Variants in EYS observed in about 807,000 individuals in gnomAD.
EYS encodes the protein EGF-like photoreceptor maintenance factor.
In EYS, 250 loss-of-function variants were observed where a neutral mutation model predicts 282.1. The ratio of observed to expected loss-of-function variants is 0.89; its 90% confidence interval spans 0.80 to 0.98. EYS has a LOEUF of 0.98. Among genes scored for constraint, EYS ranks in the 50% least tolerant of loss-of-function variants. The pLI, the probability that EYS is intolerant of heterozygous loss-of-function variation, is 0.00. For synonymous variants in EYS, 1,355 were observed against 1,282.9 expected, an observed-to-expected ratio of 1.06 and a Z score of -1.20; for missense variants, 4,016 against 3,709.0, an observed-to-expected ratio of 1.08 and a Z score of -2.15.
intron 12 of EYS, among the ~76,000 whole-genome samples, chr6:65,113,391 C>A (rs1775273396): frequency 7.3e-6 from 1 of 136,142 alleles, no homozygotes; most frequent in Non-Finnish European, 1.5e-5. Flanking sequence ...GTATTGAGAT[C>A]TAAAAAAAAA....
intron 2 of EYS, among the ~76,000 whole-genome samples, chr6:65,522,380 C>T (rs776248911): frequency 2.0e-5 from 3 of 152,088 alleles, no homozygotes; most frequent in East Asian, 1.9e-4. Context: ...GCCAGAGGAT[C>T]GCTTGAAAAC....
At chr6:63,854,274 A>G (rs965511091) in intron 36 of EYS, among the ~76,000 whole-genome samples, 2 of 152,234 alleles carry the variant, frequency 1.3e-5, no homozygotes, top group African/African-American at 4.8e-5. Flanking sequence ...CTATGTAGCC[A>G]TAAAAAAGAA....
intron 31 of EYS, among the ~76,000 whole-genome samples, chr6:64,183,753 T>C (rs889870029): frequency 2.6e-5 from 4 of 152,170 alleles, no homozygotes; most frequent in Admixed American, 1.3e-4. Context: ...TATGGATTGA[T>C]TGAAACAGTG....
At chr6:65,039,196 G>C (rs1772858059) in intron 13 of EYS, among the ~76,000 whole-genome samples, 1 of 151,390 alleles carries the variant, frequency 6.6e-6, no homozygotes, top group Non-Finnish European at 1.5e-5. Flanking sequence ...TGTATGATGT[G>C]AGGTAGAAGT....
intron 32 of EYS, among the ~76,000 whole-genome samples, chr6:64,070,691 A>G (rs1436983695): frequency 6.6e-6 from 1 of 152,060 alleles, no homozygotes; most frequent in Non-Finnish European, 1.5e-5. Context: ...GTGTACTTCC[A>G]ATGTTACAGA....
chr6:64,416,932 A>G lies in EYS; in HGVS notation c.5927+19242T>C, dbSNP rs145362076. 2.0e-5 allele frequency among the ~76,000 whole-genome samples: 3 copies of G among 152,274 alleles called. No individual in the cohort carries two copies. In the East Asian group the frequency reaches 5.8e-4, roughly 29 times the overall value. On this transcript the variant is annotated intron_variant, in intron 28 of 42. Transcript: ENST00000503581. ...ATTTTAGCTTTTCTGATCCTCAGTA[A>G]ACCCAGGAAAACTGAGAAGTTGTGG... is the stretch of plus-strand genomic sequence containing the variant.
At chr6:65,195,701 G>A (rs1765748345) in intron 12 of EYS, among the ~76,000 whole-genome samples, 1 of 151,874 alleles carries the variant, frequency 6.6e-6, no homozygotes. Flanking sequence ...TTACTTGTGA[G>A]CACACCATGA....
chr6:64,330,411 G>C (rs1448883725), intron 29 of EYS, among the ~76,000 whole-genome samples: 6 of 152,260 alleles, frequency 3.9e-5, no homozygotes, highest in Non-Finnish European at 8.8e-5. Context: ...GACTACCAAA[G>C]GGAGGGGGGA....
chr6:64,714,281 G>GA (rs890643252), intron 22 of EYS, among the ~76,000 whole-genome samples: 8 of 151,998 alleles, frequency 5.3e-5, no homozygotes, highest in Non-Finnish European at 7.4e-5. Flanking sequence ...ATAACCATGA[G>GA]AAAAAAAGAT....
chr6:65,074,032 A>G (rs1179265775), intron 12 of EYS, among the ~76,000 whole-genome samples: 2 of 152,042 alleles, frequency 1.3e-5, no homozygotes. Flanking sequence ...TTCTTCCCCT[A>G]GGTGGTAGTT....
At chr6:64,128,682 G>A (rs1371138446) in intron 31 of EYS, among the ~76,000 whole-genome samples, 7 of 152,122 alleles carry the variant, frequency 4.6e-5, no homozygotes, top group Non-Finnish European at 1.0e-4. Flanking sequence ...TTGATAATCT[G>A]TATAGCTCAT....
chr6:65,095,009 C>A (rs1774697668), intron 12 of EYS, among the ~76,000 whole-genome samples: 1 of 151,172 alleles, frequency 6.6e-6, no homozygotes, highest in Non-Finnish European at 1.5e-5. Flanking sequence ...GGAGATATTA[C>A]AACTGATGCT....
intron 22 of EYS, among the ~76,000 whole-genome samples, chr6:64,678,813 C>T (rs1315333192): frequency 2.0e-5 from 3 of 151,868 alleles, no homozygotes; most frequent in African/African-American, 4.8e-5. Context: ...GGTGAAACCC[C>T]GTCTCCACTA....
intron 2 of EYS, among the ~76,000 whole-genome samples, chr6:65,529,079 C>T (rs10484938): frequency 0.17 from 25,129 of 151,716 alleles, 2,357 homozygotes; most frequent in African/African-American, 0.24. Flanking sequence ...TAACCGCCAT[C>T]TTGAAGTGGA....
intron 31 of EYS, among the ~76,000 whole-genome samples, chr6:64,134,112 G>A (rs1774082555): frequency 6.6e-6 from 1 of 152,100 alleles, no homozygotes; most frequent in Non-Finnish European, 1.5e-5. Flanking sequence ...CTAACAAAGT[G>A]TGAGATTTAT....
At chr6:65,018,942 C>T (rs949507393) in intron 13 of EYS, among the ~76,000 whole-genome samples, 3 of 151,960 alleles carry the variant, frequency 2.0e-5, no homozygotes, top group Non-Finnish European at 2.9e-5. Flanking sequence ...AAAAAATTGA[C>T]CTTACTGTAT....
chr6:63,964,782 A>G (rs1766227106), intron 35 of EYS, among the ~76,000 whole-genome samples: 1 of 152,202 alleles, frequency 6.6e-6, no homozygotes, highest in Non-Finnish European at 1.5e-5. Flanking sequence ...TAAAACAACA[A>G]CCAGTTCCTT....
intron 29 of EYS, among the ~76,000 whole-genome samples, chr6:64,309,214 AAAG>A (rs935762197): frequency 1.3e-5 from 2 of 152,160 alleles, no homozygotes; most frequent in African/African-American, 4.8e-5. Flanking sequence ...AGGGATAAAA[AAAG>A]GGGAAACTGA....
chr6:64,299,341 T>G (rs540780835), intron 30 of EYS, among the ~76,000 whole-genome samples: 38 of 152,256 alleles, frequency 2.5e-4, no homozygotes, highest in African/African-American at 9.1e-4. Flanking sequence ...CTAGTCAGAG[T>G]GTGCATGCGG....
Sources: allele counts gnomAD v4.1 joint callset (sites outside exome capture counted in the v4.1 genomes callset), GRCh38; gene constraint gnomAD v4.1.1; transcripts MANE v1.5; gene names NCBI Gene and HGNC (gene_info 2026-07-23, HGNC 2026-07-21).